The following HIPK3 variants were observed in gnomAD, a reference collection of about 807,000 sequenced individuals.
The protein encoded by HIPK3 is homeodomain interacting protein kinase 3, also known as homeodomain-interacting protein kinase 3.
HIPK3 carries 47 observed loss-of-function variants against 124.2 expected under a neutral mutation model. That is an observed-to-expected ratio of 0.38 (90% CI 0.30 to 0.48). HIPK3 has a LOEUF of 0.48. Among genes scored for constraint, HIPK3 ranks in the 20% least tolerant of loss-of-function variants. HIPK3 has a pLI of 0.98. For synonymous variants in HIPK3, 482 were observed against 515.2 expected (o/e 0.94, Z 0.87); for missense variants, 1,286 against 1,454.3 (o/e 0.88, Z 1.88).
chr11:33,353,597 TACAA>T lies in HIPK3; in HGVS notation c.*33_*36del, dbSNP rs1350318025. On this transcript the variant is annotated 3_prime_UTR_variant, in exon 17 of 17. Transcript: ENST00000303296. ...ACAGTATATTGGGGAAGCTCAATGA[TACAA>T]ACATTTGATTAAAAATAAAAACATG... 2 of 1,334,938 alleles carry T rather than the reference TACAA, an allele frequency of 1.5e-6. No individual in the cohort carries two copies. The highest frequency in any genetic ancestry group is 1.7e-5 in the Admixed American group (1 of 57,360). 82.7% of individuals were successfully genotyped at this position (1,334,938 alleles called of 1,614,324 possible). A position where few individuals can be genotyped will look rare whatever the true frequency, so the allele number is the denominator to read the frequency against.
intron 2 of HIPK3, among the ~76,000 whole-genome samples, chr11:33,309,994 T>G (rs1003288585): frequency 2.0e-5 from 3 of 152,226 alleles, no homozygotes; most frequent in African/African-American, 7.2e-5. Flanking sequence ...ATCCATTTTC[T>G]TGCACATTTC....
chr11:33,307,658 G>A (rs1483777066), intron 2 of HIPK3, among the ~76,000 whole-genome samples: 5 of 150,100 alleles, frequency 3.3e-5, no homozygotes, highest in African/African-American at 7.3e-5. Context: ...CGCCCGCCTC[G>A]GCCTCCCAAA....
At chr11:33,309,364 G>T (rs1852257381) in intron 2 of HIPK3, among the ~76,000 whole-genome samples, 2 of 152,162 alleles carry the variant, frequency 1.3e-5, no homozygotes, top group South Asian at 4.1e-4. Flanking sequence ...ATCCTCCCAT[G>T]TTGGTCTCCC....
Position 33,257,743 on chromosome 11 carries a change from G to A in HIPK3, c.-149G>A. 1 of 988,674 alleles carries A rather than the reference G, an allele frequency of 1.0e-6. No homozygotes were observed. The highest frequency in any genetic ancestry group is 4.6e-5 in the South Asian group (1 of 21,940). 61.2% of individuals were successfully genotyped at this position (988,674 alleles called of 1,614,324 possible). On this transcript the variant is annotated 5_prime_UTR_variant, in exon 1 of 17. Transcript: ENST00000303296. ...TCAGCCGCCAGGACAAGATGGCAGC[G>A]GCCGCGGAGAGGGGCTGAGCCCGGG...
chr11:33,276,597 G>A (rs1471059736), intron 1 of HIPK3, among the ~76,000 whole-genome samples: 1 of 152,168 alleles, frequency 6.6e-6, no homozygotes, highest in African/African-American at 2.4e-5. Flanking sequence ...CTTTGGTGTG[G>A]TTACCAAATT....
At chr11:33,276,850 G>A (rs968011751) in intron 1 of HIPK3, among the ~76,000 whole-genome samples, 8 of 151,940 alleles carry the variant, frequency 5.3e-5, no homozygotes, top group African/African-American at 1.9e-4. Flanking sequence ...GATTACAGGT[G>A]TGCACCACTA....
In HIPK3 at chr11:33,349,297, T is replaced by G; in HGVS notation, c.2807+10T>G. On this transcript the variant is annotated intron_variant, in intron 14 of 16. Transcript: ENST00000303296. Reference sequence around the variant, plus strand: ...GCAAGAGACCGAATAGGTAAAAGAATCTCAATAGTAGTGTGTAATAAATAG... The same window carrying G: ...GCAAGAGACCGAATAGGTAAAAGAAGCTCAATAGTAGTGTGTAATAAATAG... 6.2e-7 allele frequency: 1 copy of G among 1,606,814 alleles called. No individual in the cohort carries two copies. The highest frequency in any genetic ancestry group is 1.3e-5 in the African/African-American group (1 of 74,634).
intron 2 of HIPK3, among the ~76,000 whole-genome samples, chr11:33,299,048 T>C (rs1261026129): frequency 2.6e-5 from 4 of 151,824 alleles, no homozygotes; most frequent in Non-Finnish European, 5.9e-5. Context: ...GGTTTTACCA[T>C]GTTGGCCAGG....
intron 2 of HIPK3, among the ~76,000 whole-genome samples, chr11:33,305,942 G>GGCT (rs1244692246): frequency 1.3e-5 from 2 of 152,026 alleles, no homozygotes; most frequent in Non-Finnish European, 2.9e-5. Flanking sequence ...ATGTTGCCCA[G>GGCT]GCTGCTGTTG....
chr11:33,348,437 C>T (rs912610182), intron 12 of HIPK3, 85 bp from the exon 13 acceptor site: 33 of 1,203,436 alleles, frequency 2.7e-5, no homozygotes, highest in Middle Eastern at 5.7e-4. Flanking sequence ...TGAAGGTTCT[C>T]ATTTTCTGGT....
chr11:33,269,718 T>C (rs1659710509), intron 1 of HIPK3, among the ~76,000 whole-genome samples: 1 of 151,762 alleles, frequency 6.6e-6, no homozygotes, highest in African/African-American at 2.4e-5. Flanking sequence ...GTTCTGTCTA[T>C]GCCACTTTAA....
intron 3 of HIPK3, among the ~76,000 whole-genome samples, chr11:33,333,397 C>T (rs188908010): frequency 3.9e-5 from 6 of 152,192 alleles, no homozygotes; most frequent in African/African-American, 9.6e-5. Flanking sequence ...CATAAAACTC[C>T]GGCTCTACCT....
rs148050880 is a variant in HIPK3 at position 33,297,412 on chromosome 11, C to G, written c.1097+9901C>G. Among the ~76,000 whole-genome samples the G allele has an allele frequency of 7.2e-5, 11 of 152,178 alleles. No homozygotes were observed. The East Asian group carries it at 2.1e-3, about 29-fold the overall frequency. On this transcript the variant is annotated intron_variant, in intron 2 of 16. Coordinates refer to ENST00000303296, the MANE Select transcript of HIPK3 (RefSeq NM_005734.5). ...CCCTGCTGGAAGAGATTTTTGTGGT[C>G]TGGATAAGTGATCAAATTAGTCACA...
intron 14 of HIPK3, 135 bp downstream of exon 14, chr11:33,349,422 T>C: frequency 1.5e-6 from 1 of 686,496 alleles, no homozygotes; most frequent in Non-Finnish European, 2.4e-6. Context: ...TTGAACTAGA[T>C]CAGTTTTTAT....
rs748593656 is a variant in HIPK3, at chr11:33,286,805, A to AT, written c.391_392insT (p.Ser131MetfsTer2). On this transcript the variant is annotated frameshift_variant, in exon 2 of 17. Transcript: ENST00000303296. LOFTEE classifies it high-confidence loss of function. Reference sequence around the variant, plus strand: ...CCAGCGATGTGGATTGAAGCGCAAGAGTGAGGAGTTGGATAATCATAGCAG... The same window carrying AT: ...CCAGCGATGTGGATTGAAGCGCAAGATGTGAGGAGTTGGATAATCATAGCAG... The AT allele has an allele frequency of 8.1e-6, 13 of 1,614,170 alleles. No homozygotes were observed. The highest frequency in any genetic ancestry group is 1.1e-5 in the Non-Finnish European group (13 of 1,180,028).
At chr11:33,326,781 TC>T (rs976323680) in intron 2 of HIPK3, among the ~76,000 whole-genome samples, 1 of 151,834 alleles carries the variant, frequency 6.6e-6, no homozygotes, top group African/African-American at 2.4e-5. Flanking sequence ...AAGTGACCCT[TC>T]CACCTCAGTC....
At chr11:33,259,415 G>C (rs1205818279) in intron 1 of HIPK3, among the ~76,000 whole-genome samples, 1 of 152,222 alleles carries the variant, frequency 6.6e-6, no homozygotes, top group Non-Finnish European at 1.5e-5. Flanking sequence ...ATAAGGTTTA[G>C]ATAGGTCATG....
In HIPK3 at chr11:33,284,833, A is replaced by G. The variant is rs547904389; in HGVS notation, c.-2-1580A>G. Among the ~76,000 whole-genome samples the G allele has an allele frequency of 5.9e-5, 9 of 152,230 alleles. No individual in the cohort carries two copies. The South Asian group carries it at 1.9e-3, about 32-fold the overall frequency. ...ATTACTTAAAGTGATGATTCTGTCA[A>G]ATGGTGGTTTTGACGTACACGTTTA... is the stretch of plus-strand genomic sequence containing the variant. On this transcript the variant is annotated intron_variant, in intron 1 of 16. Transcript: ENST00000303296.
chr11:33,340,885 A>T (rs1209710039), intron 6 of HIPK3, 83 bp from the exon 7 acceptor site: 3 of 793,472 alleles, frequency 3.8e-6, no homozygotes, highest in South Asian at 5.7e-5. Flanking sequence ...TTTAGGAATA[A>T]TTTTTTTATT....
Sources: gnomAD v4.1 joint callset for allele counts (sites outside exome capture counted in the v4.1 genomes callset) on GRCh38, gnomAD v4.1.1 for gene constraint, MANE v1.5 for transcripts, NCBI Gene and HGNC (gene_info 2026-07-23, HGNC 2026-07-21) for gene names.